B3GALT5: variants seen among roughly 807,000 people sequenced by gnomAD.
The protein encoded by B3GALT5 is UDP-Gal:betaGlcNAc beta 1,3-galactosyltransferase, polypeptide 5.
For missense variants in B3GALT5, 328 were observed against 396.6 expected, an observed-to-expected ratio of 0.83 and a Z score of 1.47; for synonymous variants, 156 against 158.6, an observed-to-expected ratio of 0.98 and a Z score of 0.12.
chr21:39,617,596 G>A (rs1044685632), intron 1 of B3GALT5, among the ~76,000 whole-genome samples: 2 of 152,138 alleles, frequency 1.3e-5, no homozygotes, highest in South Asian at 2.1e-4. Context: ...TCCCTCCCTC[G>A]ACACTTGAGG....
Position 39,671,539 on chromosome 21 carries a change from T to C in B3GALT5, c.*10047T>C, listed in dbSNP as rs2079628512. Reference sequence around the variant, plus strand: ...ACAAGAAAGAATGGTGGCCTGGGAGTGAGCTGTAAGGTTCCTTCAAACATC... The same window carrying C: ...ACAAGAAAGAATGGTGGCCTGGGAGCGAGCTGTAAGGTTCCTTCAAACATC... On this transcript the variant is annotated 3_prime_UTR_variant, in exon 4 of 4. Transcript: ENST00000684187. 6.6e-6 allele frequency: 1 copy of C among 152,088 alleles called. No homozygotes were observed. Among genetic ancestry groups the C allele is most frequent in the African/African-American group, 2.4e-5 (1 of 41,424 alleles). The allele number at this position is 152,088 out of a possible 1,614,324, so 9.4% of individuals were successfully genotyped here.
chr21:39,649,545 C>G lies in B3GALT5; in HGVS notation c.-161+2923C>G, dbSNP rs9977368. Reference sequence around the variant, plus strand: ...AACTATTGCAGTAGGGGAAAGAGACCTCAGTATAGAGCCGGGCTTAATTCT... The same window carrying G: ...AACTATTGCAGTAGGGGAAAGAGACGTCAGTATAGAGCCGGGCTTAATTCT... On this transcript the variant is annotated intron_variant, in intron 2 of 3. Coordinates refer to ENST00000684187, the MANE Select transcript of B3GALT5 (RefSeq NM_001356336.2). Among the ~76,000 whole-genome samples the G allele has an allele frequency of 3.1e-3, 477 of 152,276 alleles. 1 individual carries two copies. Among genetic ancestry groups the G allele is most frequent in the Non-Finnish European group, 5.3e-3 (358 of 68,016 alleles).
At chr21:39,633,776 T>G (rs1045236870) in intron 1 of B3GALT5, among the ~76,000 whole-genome samples, 2 of 152,246 alleles carry the variant, frequency 1.3e-5, no homozygotes, top group Non-Finnish European at 1.5e-5. Context: ...TTCTTTCTAT[T>G]GTGAAAATTG....
At chr21:39,619,666 C>G (rs2079124226) in intron 1 of B3GALT5, among the ~76,000 whole-genome samples, 2 of 152,140 alleles carry the variant, frequency 1.3e-5, no homozygotes, top group African/African-American at 4.8e-5. Context: ...TTTTTGAGAT[C>G]TCTGTTCTGT....
chr21:39,645,838 C>T (rs182412280), intron 1 of B3GALT5, among the ~76,000 whole-genome samples: 39 of 152,066 alleles, frequency 2.6e-4, no homozygotes, highest in South Asian at 2.1e-4. Flanking sequence ...CAAACTGTCC[C>T]GACCCGGGGC....
chr21:39,657,650 T>C, intron 2 of B3GALT5: 1 of 336,666 alleles, frequency 3.0e-6, no homozygotes, highest in South Asian at 2.0e-4. Context: ...AAGAAATTTC[T>C]TCTCATCTAT....
chr21:39,623,605 G>A (rs2079149053), intron 1 of B3GALT5, among the ~76,000 whole-genome samples: 2 of 152,136 alleles, frequency 1.3e-5, no homozygotes, highest in African/African-American at 2.4e-5. Flanking sequence ...TTTTAGATGG[G>A]CAGTTACTTC....
chr21:39,662,443 TG>T lies in B3GALT5; in HGVS notation c.*954del, dbSNP rs1473988768. On this transcript the variant is annotated 3_prime_UTR_variant, in exon 4 of 4. Coordinates refer to ENST00000684187, the MANE Select transcript of B3GALT5 (RefSeq NM_001356336.2). Reference sequence around the variant, plus strand: ...CAGTTGAACTCAGATGGGGTTCATGTGGGATTCTGGGAGCTTTCTGGGAATT... The same window carrying T: ...CAGTTGAACTCAGATGGGGTTCATGTGGATTCTGGGAGCTTTCTGGGAATT... The T allele has an allele frequency of 6.0e-6, 1 of 167,082 alleles. No individual in the cohort carries two copies. Among genetic ancestry groups the T allele is most frequent in the Non-Finnish European group, 1.5e-5 (1 of 68,144 alleles). The allele number at this position is 167,082 out of a possible 1,614,324, so 10.3% of individuals were successfully genotyped here. A position where few individuals can be genotyped will look rare whatever the true frequency, so the allele number is the denominator to read the frequency against.
intron 1 of B3GALT5, among the ~76,000 whole-genome samples, chr21:39,641,617 T>C (rs1436418227): frequency 6.6e-6 from 1 of 152,212 alleles, no homozygotes; most frequent in Non-Finnish European, 1.5e-5. Flanking sequence ...TGCATAACCA[T>C]TGTTAAGTCT....
chr21:39,619,982 A>G (rs1390610297), intron 1 of B3GALT5, among the ~76,000 whole-genome samples: 1 of 151,720 alleles, frequency 6.6e-6, no homozygotes, highest in African/African-American at 2.4e-5. Context: ...CAATTTTTAT[A>G]TTTTTTGGTA....
At chr21:39,649,316 C>T (rs2079372049) in intron 2 of B3GALT5, among the ~76,000 whole-genome samples, 1 of 152,184 alleles carries the variant, frequency 6.6e-6, no homozygotes, top group Non-Finnish European at 1.5e-5. Context: ...CCCTGCCTGC[C>T]TCCAGCCTCC....
At chr21:39,629,120 T>C (rs2123694517) in intron 1 of B3GALT5, among the ~76,000 whole-genome samples, 1 of 152,222 alleles carries the variant, frequency 6.6e-6, no homozygotes, top group Non-Finnish European at 1.5e-5. Flanking sequence ...TTCAAGCAAT[T>C]CTCCCTGCCT....
At chr21:39,643,501 G>A (rs2146202498) in intron 1 of B3GALT5, among the ~76,000 whole-genome samples, 1 of 152,254 alleles carries the variant, frequency 6.6e-6, no homozygotes, top group East Asian at 1.9e-4. Context: ...CAGCTGCCTT[G>A]CCTGCCTCTG....
At chr21:39,643,469 G>A (rs1403957472) in intron 1 of B3GALT5, among the ~76,000 whole-genome samples, 1 of 151,966 alleles carries the variant, frequency 6.6e-6, no homozygotes, top group Non-Finnish European at 1.5e-5. Context: ...AAAAGCCTTA[G>A]CATTAGCTCT....
chr21:39,651,291 G>T (rs1404517), intron 2 of B3GALT5, among the ~76,000 whole-genome samples: 7 of 152,012 alleles, frequency 4.6e-5, no homozygotes. Flanking sequence ...GACATTTGCT[G>T]TCTCAGGGCT....
intron 1 of B3GALT5, among the ~76,000 whole-genome samples, chr21:39,637,664 G>C (rs1162630136): frequency 6.6e-6 from 1 of 152,238 alleles, no homozygotes; most frequent in African/African-American, 2.4e-5. Context: ...AAGGAACAAA[G>C]GCCATTGATT....
Position 39,670,990 on chromosome 21 carries a change from T to G in B3GALT5, c.*9498T>G, listed in dbSNP as rs1401549890. The G allele has an allele frequency of 6.6e-6, 1 of 152,246 alleles. No homozygotes were observed. Among genetic ancestry groups the G allele is most frequent in the Admixed American group, 6.5e-5 (1 of 15,290 alleles). 9.4% of individuals were successfully genotyped at this position (152,246 alleles called of 1,614,324 possible). A position where few individuals can be genotyped will look rare whatever the true frequency, so the allele number is the denominator to read the frequency against. On this transcript the variant is annotated 3_prime_UTR_variant, in exon 4 of 4. Coordinates refer to ENST00000684187, the MANE Select transcript of B3GALT5 (RefSeq NM_001356336.2). ...AATAGAAATTAATCTGGCTCATGGT[T>G]CTAGAGGCTAGGAAGTCCAAGAGCT...
chr21:39,624,494 G>A (rs1325822833), intron 1 of B3GALT5, among the ~76,000 whole-genome samples: 1 of 152,202 alleles, frequency 6.6e-6, no homozygotes, highest in African/African-American at 2.4e-5. Context: ...GCTTGGTTTT[G>A]TAGGGAGTCT....
In B3GALT5 at chr21:39,613,455, C is replaced by T. The variant is rs140022565; in HGVS notation, c.-392+388C>T. On this transcript the variant is annotated intron_variant, in intron 1 of 3. Transcript: ENST00000684187. ...CAACAACAAAACAAACTCTGAAGCA[C>T]CCTGCGGCAGGCAGCTTCTGCATCG... Among the ~76,000 whole-genome samples, 10 of 152,316 alleles carry T rather than the reference C, an allele frequency of 6.6e-5. No individual in the cohort carries two copies. The East Asian group carries it at 1.9e-3, about 29-fold the overall frequency.
Sources: allele counts gnomAD v4.1 joint callset (sites outside exome capture counted in the v4.1 genomes callset), GRCh38; gene constraint gnomAD v4.1.1; transcripts MANE v1.5; gene names NCBI Gene and HGNC (gene_info 2026-07-23, HGNC 2026-07-21).